ZBTB8A: variants seen among roughly 807,000 people sequenced by gnomAD.
ZBTB8A encodes the protein zinc finger and BTB domain-containing protein 8A.
Under a neutral mutation model 37.8 loss-of-function variants are expected in ZBTB8A, and 19 were observed. The ratio of observed to expected loss-of-function variants is 0.50; its 90% confidence interval spans 0.35 to 0.74. The LOEUF is 0.74. ZBTB8A is among the 30% of genes least tolerant of loss of function. The probability of loss-of-function intolerance (pLI) is 0.01; values close to 1 mark genes in which losing one functional copy is unlikely to be tolerated. For synonymous variants in ZBTB8A, 181 were observed against 185.2 expected, an observed-to-expected ratio of 0.98 and a Z score of 0.19; for missense variants, 394 against 537.8, an observed-to-expected ratio of 0.73 and a Z score of 2.65.
At chr1:32,552,154 G>A (rs778529484) in intron 1 of ZBTB8A, among the ~76,000 whole-genome samples, 14 of 151,814 alleles carry the variant, frequency 9.2e-5, no homozygotes, top group African/African-American at 1.2e-4. Context: ...GCTTGAGCCC[G>A]GGAGTTTGAG....
Position 32,601,889 on chromosome 1 carries a change from G to A in ZBTB8A, c.*1470G>A, listed in dbSNP as rs1266095925. The A allele has an allele frequency of 2.6e-6, 1 of 390,342 alleles. No individual in the cohort carries two copies. Among genetic ancestry groups the A allele is most frequent in the Non-Finnish European group, 4.5e-6 (1 of 221,852 alleles). The allele number at this position is 390,342 out of a possible 1,614,324, so 24.2% of individuals were successfully genotyped here. ...ATGTCCCTACAGTACCTATTGGTAT[G>A]TTTTTATGTCACGTTATTTATATGT... is the stretch of plus-strand genomic sequence containing the variant. On this transcript the variant is annotated 3_prime_UTR_variant, in exon 5 of 5. Transcript: ENST00000373510.
chr1:32,539,867 G>GCGGGGACGGCGC (rs1197607574), intron 1 of ZBTB8A, among the ~76,000 whole-genome samples: 5 of 149,108 alleles, frequency 3.4e-5, no homozygotes, highest in African/African-American at 1.2e-4. Flanking sequence ...CGGGAAGGCG[G>GCGGGGACGGCGC]CGGGGACGGC....
chr1:32,541,929 C>T lies in ZBTB8A; in HGVS notation c.-84+2357C>T, dbSNP rs1176441495. ...AGCTCTTAAATGTTTTTAATACAGACGATCACTGACTTACAATGGCTTGAC... is the reference window on the plus strand; with the variant it reads ...AGCTCTTAAATGTTTTTAATACAGATGATCACTGACTTACAATGGCTTGAC... On this transcript the variant is annotated intron_variant, in intron 1 of 4. Coordinates refer to ENST00000373510, the MANE Select transcript of ZBTB8A (RefSeq NM_001040441.3). Among the ~76,000 whole-genome samples the T allele has an allele frequency of 3.9e-5, 6 of 152,170 alleles. No homozygotes were observed. In the East Asian group the frequency reaches 7.7e-4, roughly 19 times the overall value.
In ZBTB8A at chr1:32,603,153, T is replaced by C. The variant is rs422215; in HGVS notation, c.*2734T>C. 85,166 of 151,918 alleles carry C rather than the reference T, an allele frequency of 0.56. 27,139 individuals carry two copies. The highest frequency in any genetic ancestry group is 0.89 in the African/African-American group (36,871 of 41,476). The allele number at this position is 151,918 out of a possible 1,614,324, so 9.4% of individuals were successfully genotyped here. A position where few individuals can be genotyped will look rare whatever the true frequency, so the allele number is the denominator to read the frequency against. On this transcript the variant is annotated 3_prime_UTR_variant, in exon 5 of 5. Transcript: ENST00000373510. ...AATCAGGATTCTGGTTTTTTTGAGA[T>C]GGACTCTCGCTCTGTTGTCCAAGCT...
At chr1:32,554,049 A>G (rs1405782334) in intron 2 of ZBTB8A, among the ~76,000 whole-genome samples, 1 of 151,422 alleles carries the variant, frequency 6.6e-6, no homozygotes, top group Non-Finnish European at 1.5e-5. Context: ...AAAATACAAA[A>G]ATTAGCCGGG....
chr1:32,555,395 A>G (rs1443928161), intron 2 of ZBTB8A, among the ~76,000 whole-genome samples: 1 of 152,058 alleles, frequency 6.6e-6, no homozygotes, highest in Non-Finnish European at 1.5e-5. Flanking sequence ...TCTCAAAAAT[A>G]ATAATAATAA....
intron 2 of ZBTB8A, among the ~76,000 whole-genome samples, chr1:32,566,031 C>T (rs1343955588): frequency 6.6e-6 from 1 of 151,744 alleles, no homozygotes; most frequent in Non-Finnish European, 1.5e-5. Flanking sequence ...GAAACCCAGT[C>T]TCTACTAAAA....
Position 32,593,528 on chromosome 1 carries a change from G to T in ZBTB8A, c.597G>T (p.Lys199Asn). ...SQKNTQQPLA[K>N]HEPRKESIKK... ...AGAATACTCAACAACCCTTGGCCAA[G>T]CATGAACCAAGGAAAGAGTCCATTA... The change falls in exon 3 of 5, where the codon AAG (lysine) becomes AAT (asparagine). Residue 199 changes from lysine (K) to asparagine (N), a missense_variant. Lys to Asn is a moderately conservative substitution (Grantham distance 94). Around this residue, in one of 4 missense-constraint regions of ZBTB8A, gnomAD observed 171 missense variants for 186.8 expected, o/e 0.92. Coordinates refer to ENST00000373510, the MANE Select transcript of ZBTB8A (RefSeq NM_001040441.3). The T allele has an allele frequency of 6.2e-7, 1 of 1,614,134 alleles. No homozygotes were observed. Among genetic ancestry groups the T allele is most frequent in the Non-Finnish European group, 8.5e-7 (1 of 1,180,018 alleles).
intron 1 of ZBTB8A, among the ~76,000 whole-genome samples, chr1:32,547,389 T>G (rs1028290440): frequency 2.7e-5 from 4 of 148,982 alleles, no homozygotes; most frequent in African/African-American, 4.9e-5. Flanking sequence ...AGTCTTGCCC[T>G]GTTGCCCAGG....
At chr1:32,578,231 AT>A (rs561875455) in intron 2 of ZBTB8A, among the ~76,000 whole-genome samples, 412 of 135,026 alleles carry the variant, frequency 3.1e-3, no homozygotes, top group Admixed American at 3.2e-3. Flanking sequence ...CTCCTGGCTA[AT>A]TTTTTTTTTT....
chr1:32,577,594 T>C (rs1305358930), intron 2 of ZBTB8A, among the ~76,000 whole-genome samples: 1 of 144,672 alleles, frequency 6.9e-6, no homozygotes, highest in Non-Finnish European at 1.5e-5. Context: ...TTCTTTTTTT[T>C]TTTTTTTTTT....
chr1:32,562,851 A>C (rs1644254073), intron 2 of ZBTB8A, among the ~76,000 whole-genome samples: 2 of 151,676 alleles, frequency 1.3e-5, no homozygotes, highest in Non-Finnish European at 2.9e-5. Flanking sequence ...CCAAAGTGCT[A>C]GGATTACAGG....
rs565724654 is a variant in ZBTB8A, at chr1:32,582,579, C to T, written c.-1-10352C>T. Among the ~76,000 whole-genome samples, 4 of 151,544 alleles carry T rather than the reference C, an allele frequency of 2.6e-5. 1 individual carries two copies. Among genetic ancestry groups the T allele is most frequent in the African/African-American group, 4.8e-5 (2 of 41,328 alleles). ...AGGAGAATCGCTTGAACCCGGGAGG[C>T]GGAGGTTGCAGTGAGATCGTGCCAT... is the stretch of plus-strand genomic sequence containing the variant. On this transcript the variant is annotated intron_variant, in intron 2 of 4. Transcript: ENST00000373510.
In ZBTB8A at chr1:32,601,610, A is replaced by T; in HGVS notation, c.*1191A>T. On this transcript the variant is annotated 3_prime_UTR_variant, in exon 5 of 5. Transcript: ENST00000373510. ...AGGTGGATACTATCTCCGATTTACA[A>T]ATGAGGAAATTAAGGTCAGAAAGTC... 2.5e-6 allele frequency: 1 copy of T among 398,572 alleles called. No individual in the cohort carries two copies. Among genetic ancestry groups the T allele is most frequent in the Non-Finnish European group, 4.4e-6 (1 of 226,056 alleles). 24.7% of individuals were successfully genotyped at this position (398,572 alleles called of 1,614,324 possible). A position where few individuals can be genotyped will look rare whatever the true frequency, so the allele number is the denominator to read the frequency against.
At chr1:32,572,818 C>CTGT (rs1349474792) in intron 2 of ZBTB8A, among the ~76,000 whole-genome samples, 1 of 150,656 alleles carries the variant, frequency 6.6e-6, no homozygotes, top group Non-Finnish European at 1.5e-5. Flanking sequence ...TTTGTAAAAT[C>CTGT]TGTAGTGATG....
chr1:32,546,404 A>G (rs7513429), intron 1 of ZBTB8A, among the ~76,000 whole-genome samples: 18,064 of 151,974 alleles, frequency 0.12, 1,233 homozygotes, highest in African/African-American at 0.2. Flanking sequence ...AGATCATGCC[A>G]CTGCACTCCA....
In ZBTB8A at chr1:32,593,552, TA is replaced by T. The variant is rs1253124144; in HGVS notation, c.626del (p.Lys209ArgfsTer5). 6.2e-7 allele frequency: 1 copy of T among 1,614,204 alleles called. No individual in the cohort carries two copies. ...AGCATGAACCAAGGAAAGAGTCCAT[TA>T]AAAAGACCAAACATTTGAGATTGTC... The part of the protein sequence containing the change: ...AKHEPRKESI[K>X]KTKHLRLSQP... On this transcript the variant is annotated frameshift_variant, in exon 3 of 5. Transcript: ENST00000373510. LOFTEE classifies it high-confidence loss of function.
At chr1:32,592,565 G>A (rs1325516961) in intron 2 of ZBTB8A, among the ~76,000 whole-genome samples, 2 of 151,442 alleles carry the variant, frequency 1.3e-5, no homozygotes, top group African/African-American at 4.8e-5. Flanking sequence ...GGAGTGCAGT[G>A]GTGTGATCTT....
At chr1:32,594,928 TTTTA>T (rs1486196470) in intron 3 of ZBTB8A, 122 bp from the exon 4 acceptor site, 34 of 1,060,500 alleles carry the variant, frequency 3.2e-5, no homozygotes, top group Non-Finnish European at 4.2e-5. Context: ...TGTGAATTCT[TTTTA>T]TTTCTTTTTT....
Sources: allele counts gnomAD v4.1 joint callset (sites outside exome capture counted in the v4.1 genomes callset), GRCh38; gene constraint gnomAD v4.1.1; regional missense constraint gnomAD v4.1.1; transcripts MANE v1.5; gene names NCBI Gene and HGNC (gene_info 2026-07-23, HGNC 2026-07-21).